Variants in POLK observed in about 807,000 individuals in gnomAD.
The protein encoded by POLK is DNA polymerase kappa.
Under a neutral mutation model 94.0 loss-of-function variants are expected in POLK, and 76 were observed. The ratio of observed to expected loss-of-function variants is 0.81; its 90% CI spans 0.67 to 0.98. POLK has a LOEUF of 0.98. Ranked by LOEUF, POLK falls within the 50% of genes least tolerant of loss-of-function variation. The pLI, the probability that POLK is intolerant of heterozygous loss-of-function variation, is 0.00. For synonymous variants in POLK, 349 were observed against 325.4 expected (o/e 1.07, Z -0.78); for missense variants, 954 against 1,010.1 (o/e 0.94, Z 0.75).
At chr5:75,534,371 G>C (rs1482133907) in intron 1 of POLK, among the ~76,000 whole-genome samples, 1 of 151,892 alleles carries the variant, frequency 6.6e-6, no homozygotes, top group East Asian at 1.9e-4. Flanking sequence ...GGTTTCGACT[G>C]TCTCCTGTAT....
chr5:75,511,510 A>G (rs1396426090), upstream of POLK: 1 of 1,476,410 alleles, frequency 6.8e-7, no homozygotes, highest in Non-Finnish European at 9.0e-7. Flanking sequence ...AGCCCCCTCG[A>G]TGCCAATTTC....
At chr5:75,525,507 A>G (rs892742311) in intron 1 of POLK, among the ~76,000 whole-genome samples, 6 of 152,178 alleles carry the variant, frequency 3.9e-5, no homozygotes, top group Non-Finnish European at 4.4e-5. Context: ...AACAACAACA[A>G]CAACAGAAAA....
At chr5:75,532,992 T>C (rs1769255051) in intron 1 of POLK, among the ~76,000 whole-genome samples, 1 of 152,222 alleles carries the variant, frequency 6.6e-6, no homozygotes, top group African/African-American at 2.4e-5. Context: ...ATTAGACCTT[T>C]CTTGGATCCG....
intron 1 of POLK, among the ~76,000 whole-genome samples, chr5:75,521,813 G>A (rs1482719443): frequency 6.6e-6 from 1 of 151,462 alleles, no homozygotes; most frequent in Non-Finnish European, 1.5e-5. Context: ...TTTGGCACTA[G>A]ATGGAGGCTT....
rs5744669 is a variant in POLK, at chr5:75,581,483, T to C, written c.934+35T>C. On this transcript the variant is annotated intron_variant, in intron 7 of 14. Coordinates refer to ENST00000241436, the Ensembl canonical transcript of POLK. ...AGAGTATTGATGGCCACTGTAGTTA[T>C]AATTTTCAGACTGGCTAATTTAAGT... is the stretch of plus-strand genomic sequence containing the variant. 2.8e-3 allele frequency: 4,419 copies of C among 1,575,674 alleles called. 109 individuals carry two copies. In the African/African-American group the frequency reaches 0.053, roughly 19 times the overall value.
intron 10 of POLK, among the ~76,000 whole-genome samples, chr5:75,589,371 T>TTA (rs1284873138): frequency 1.6e-5 from 2 of 127,762 alleles, no homozygotes; most frequent in African/African-American, 6.0e-5. Flanking sequence ...TTTGCTTATT[T>TTA]TATATATATA....
upstream of POLK, chr5:75,510,973 C>A (rs1233842349): frequency 5.0e-6 from 6 of 1,209,676 alleles, no homozygotes; most frequent in African/African-American, 1.6e-5. Flanking sequence ...CCCGCCTCAT[C>A]CCTAGTCGCT....
chr5:75,515,873 G>A (rs780903687), intron 1 of POLK, among the ~76,000 whole-genome samples: 5 of 152,180 alleles, frequency 3.3e-5, no homozygotes, highest in South Asian at 2.1e-4. Context: ...CGTGGGCAAC[G>A]TAGTGAGACC....
chr5:75,575,362 G>A (rs183269359), intron 5 of POLK, among the ~76,000 whole-genome samples: 23 of 152,048 alleles, frequency 1.5e-4, no homozygotes, highest in Non-Finnish European at 2.2e-4. Context: ...AAATTTTTTT[G>A]CAGAGATAGG....
chr5:75,523,907 A>G (rs1211088265), intron 1 of POLK, among the ~76,000 whole-genome samples: 1 of 152,148 alleles, frequency 6.6e-6, no homozygotes, highest in Non-Finnish European at 1.5e-5. Flanking sequence ...AGGCAGGCAG[A>G]TCACCTGAGG....
chr5:75,518,578 T>C (rs1768425500), intron 1 of POLK, among the ~76,000 whole-genome samples: 1 of 152,204 alleles, frequency 6.6e-6, no homozygotes, highest in African/African-American at 2.4e-5. Flanking sequence ...AAAACAACTT[T>C]TGTTGACCTG....
In POLK at chr5:75,547,936, CT is replaced by C. The variant is rs1423941169; in HGVS notation, c.135+787del. ...ATGAAAAATTAGTTTCATATCTTTT[CT>C]TTTTTTTGAGACAAGGTCTCACTCT... On this transcript the variant is annotated intron_variant, in intron 2 of 14. Transcript: ENST00000241436. Among the ~76,000 whole-genome samples the C allele has an allele frequency of 3.9e-5, 6 of 151,914 alleles. No homozygotes were observed. In the South Asian group the frequency reaches 1.2e-3, roughly 32 times the overall value.
chr5:75,592,455 T>G (rs1379277602), intron 11 of POLK, among the ~76,000 whole-genome samples: 1 of 152,230 alleles, frequency 6.6e-6, no homozygotes, highest in Non-Finnish European at 1.5e-5. Context: ...GGCTCATTCC[T>G]GTAATCCCAG....
At chr5:75,525,576 T>C (rs1054947838) in intron 1 of POLK, among the ~76,000 whole-genome samples, 4 of 152,046 alleles carry the variant, frequency 2.6e-5, no homozygotes, top group African/African-American at 9.7e-5. Context: ...TAACAGGTAA[T>C]TGAACCTCCA....
intron 3 of POLK, among the ~76,000 whole-genome samples, chr5:75,555,311 C>G (rs887024285): frequency 6.6e-6 from 1 of 151,760 alleles, no homozygotes; most frequent in South Asian, 2.1e-4. Context: ...ATTCATCCCT[C>G]CCTCCCCCAC....
chr5:75,529,152 A>G lies in POLK; in HGVS notation c.-14+17238A>G, dbSNP rs1376523558. Among the ~76,000 whole-genome samples, 4 of 152,156 alleles carry G rather than the reference A, an allele frequency of 2.6e-5. 1 individual carries two copies. The highest frequency in any genetic ancestry group is 5.9e-5 in the Non-Finnish European group (4 of 68,034). Reference sequence around the variant, plus strand: ...ATTTTGACTCATGGTTCTGCAGGCTATATAGGAAGCATGGTGCCAGCATCT... The same window carrying G: ...ATTTTGACTCATGGTTCTGCAGGCTGTATAGGAAGCATGGTGCCAGCATCT... On this transcript the variant is annotated intron_variant, in intron 1 of 14. Coordinates refer to ENST00000241436, the Ensembl canonical transcript of POLK.
intron 11 of POLK, among the ~76,000 whole-genome samples, chr5:75,592,422 T>C (rs909209707): frequency 9.2e-5 from 14 of 152,148 alleles, no homozygotes; most frequent in African/African-American, 3.4e-4. Context: ...TTATAAAAAT[T>C]CAGTTGGGGG....
intron 6 of POLK, among the ~76,000 whole-genome samples, chr5:75,580,817 A>T (rs1191234160): frequency 6.6e-6 from 1 of 150,962 alleles, no homozygotes; most frequent in East Asian, 1.9e-4. Flanking sequence ...TCTAAATTCT[A>T]ATTTTCGAAG....
chr5:75,569,483 G>A, exon 4 of POLK: 1 of 1,610,504 alleles, frequency 6.2e-7, no homozygotes, highest in Non-Finnish European at 8.5e-7. Flanking sequence ...TAGGATCAAT[G>A]AGTATGCTGG....
Sources: gnomAD v4.1 joint callset for allele counts (sites outside exome capture counted in the v4.1 genomes callset) on GRCh38, gnomAD v4.1.1 for gene constraint, MANE v1.5 for transcripts, NCBI Gene and HGNC (gene_info 2026-07-23, HGNC 2026-07-21) for gene names.